METTL14: variants seen among roughly 807,000 people sequenced by gnomAD.
METTL14 encodes N(6)-adenosine-methyltransferase non-catalytic subunit METTL14.
In METTL14, 32 loss-of-function variants were observed where a neutral mutation model predicts 62.4. The ratio of observed to expected loss-of-function variants is 0.51; its 90% confidence interval spans 0.39 to 0.69. METTL14 has a LOEUF of 0.69. METTL14 is among the 30% of genes least tolerant of loss of function. The probability of loss-of-function intolerance (pLI) is 0.00; values close to 1 mark genes in which losing one functional copy is unlikely to be tolerated. For synonymous variants in METTL14, 150 were observed against 180.0 expected, an observed-to-expected ratio of 0.83 and a Z score of 1.34; for missense variants, 340 against 551.9, an observed-to-expected ratio of 0.62 and a Z score of 3.85.
chr4:118,687,374 C>G (rs1262699492), intron 1 of METTL14, among the ~76,000 whole-genome samples: 1 of 152,082 alleles, frequency 6.6e-6, no homozygotes, highest in Non-Finnish European at 1.5e-5. Flanking sequence ...ATTTGGAATG[C>G]TCATTTTATA....
rs1724353091 is a variant in METTL14, at chr4:118,694,673, T to G, written c.503+147T>G. ...CTGTTTCTTCTCTCTGCCTTTTTGT[T>G]TTTTAAAGGCTGGTGCTCATTATGT... On this transcript the variant is annotated intron_variant, in intron 6 of 10. Transcript: ENST00000388822. The G allele has an allele frequency of 3.7e-5, 24 of 656,552 alleles. No homozygotes were observed. In the South Asian group the frequency reaches 4.8e-4, roughly 13 times the overall value. The allele number at this position is 656,552 out of a possible 1,614,324, so 40.7% of individuals were successfully genotyped here. A position where few individuals can be genotyped will look rare whatever the true frequency, so the allele number is the denominator to read the frequency against.
intron 10 of METTL14, among the ~76,000 whole-genome samples, chr4:118,708,397 C>T (rs1046473112): frequency 1.3e-5 from 2 of 151,712 alleles, no homozygotes; most frequent in African/African-American, 4.8e-5. Flanking sequence ...TCCATAATAC[C>T]ACAAACATGC....
chr4:118,686,736 T>G (rs1437109225), intron 1 of METTL14: 4 of 439,934 alleles, frequency 9.1e-6, no homozygotes, highest in Admixed American at 5.0e-5. Flanking sequence ...AGAAGACGTT[T>G]TACTCCTTAA....
At chr4:118,694,801 T>G (rs996040543) in intron 6 of METTL14, among the ~76,000 whole-genome samples, 6 of 152,098 alleles carry the variant, frequency 3.9e-5, no homozygotes, top group Non-Finnish European at 7.4e-5. Flanking sequence ...TCTTTCTTTC[T>G]TTTTTTGTTT....
At chr4:118,693,948 ATGT>A (rs1560878830) in intron 5 of METTL14, among the ~76,000 whole-genome samples, 2 of 152,096 alleles carry the variant, frequency 1.3e-5, no homozygotes, top group East Asian at 3.8e-4. Flanking sequence ...CATATAATTT[ATGT>A]TGTTATAAAT....
At chr4:118,703,012 C>T (rs868173375) in intron 8 of METTL14, among the ~76,000 whole-genome samples, 5 of 149,788 alleles carry the variant, frequency 3.3e-5, no homozygotes, top group Admixed American at 3.3e-4. Flanking sequence ...GCAGAACGTG[C>T]AGGTTTGTTA....
intron 2 of METTL14, among the ~76,000 whole-genome samples, chr4:118,689,103 AAAT>A (rs1724165050): frequency 6.6e-6 from 1 of 152,220 alleles, no homozygotes; most frequent in Non-Finnish European, 1.5e-5. Context: ...AAACAGATTA[AAAT>A]AATACATACT....
intron 1 of METTL14, among the ~76,000 whole-genome samples, chr4:118,687,193 T>G (rs886470982): frequency 6.6e-6 from 1 of 152,258 alleles, no homozygotes; most frequent in Non-Finnish European, 1.5e-5. Flanking sequence ...AGAAGTGTTT[T>G]GGATTTCAGA....
In METTL14 at chr4:118,692,007, T is replaced by C. The variant is rs140960694; in HGVS notation, c.351T>C (p.Asn117=). 1.1e-5 allele frequency: 17 copies of C among 1,611,752 alleles called. No homozygotes were observed. In the African/African-American group the frequency reaches 2.3e-4, roughly 22 times the overall value. ...LKGTQSLNPH[N]DYCQHFVDTG... Reference sequence around the variant, plus strand: ...GAACACAGAGCTTAAATCCCCATAATGATTACTGCCAACATTTTGTAGACA... The same window carrying C: ...GAACACAGAGCTTAAATCCCCATAACGATTACTGCCAACATTTTGTAGACA... The change falls in exon 5 of 11, where the codon AAT becomes AAC. Residue 117 remains asparagine (N), a synonymous_variant. Transcript: ENST00000388822.
Position 118,711,441 on chromosome 4 carries a change from AC to A in METTL14, c.*1140del, listed in dbSNP as rs1462300439. The stretch of plus-strand genomic sequence containing the variant: ...TATGATTTTTCTAATGAAACTTTAA[AC>A]TTTTGAGATTTGAGAGTCTGTTTTC... On this transcript the variant is annotated 3_prime_UTR_variant, in exon 11 of 11. Transcript: ENST00000388822. 1 of 152,144 alleles carries A rather than the reference AC, an allele frequency of 6.6e-6. No homozygotes were observed. Among genetic ancestry groups the A allele is most frequent in the Non-Finnish European group, 1.5e-5 (1 of 68,020 alleles). The allele number at this position is 152,144 out of a possible 1,614,324, so 9.4% of individuals were successfully genotyped here. A position where few individuals can be genotyped will look rare whatever the true frequency, so the allele number is the denominator to read the frequency against.
intron 6 of METTL14, among the ~76,000 whole-genome samples, chr4:118,695,942 T>C (rs1724395657): frequency 6.6e-6 from 1 of 151,648 alleles, no homozygotes; most frequent in African/African-American, 2.4e-5. Flanking sequence ...AAACCTTGTC[T>C]CTATTAAAAA....
intron 8 of METTL14, 56 bp downstream of exon 8, chr4:118,700,698 AG>A: frequency 1.7e-5 from 22 of 1,260,564 alleles, no homozygotes; most frequent in Non-Finnish European, 2.4e-5. Flanking sequence ...AAAATGTAAC[AG>A]TATGTTGCAT....
chr4:118,705,868 A>G lies in METTL14; in HGVS notation c.1066+47A>G, dbSNP rs187047161. The G allele has an allele frequency of 1.8e-4, 247 of 1,381,984 alleles. No homozygotes were observed. The Middle Eastern group carries it at 2.2e-3, about 12-fold the overall frequency. 85.6% of individuals were successfully genotyped at this position (1,381,984 alleles called of 1,614,324 possible). On this transcript the variant is annotated intron_variant, in intron 10 of 10. Transcript: ENST00000388822. ...ACTTTTATGATTCTTTGGGTTATGC[A>G]TGTCAAGAAATAGGACATGGTGCTG...
At chr4:118,709,259 A>G (rs1254008236) in intron 10 of METTL14, among the ~76,000 whole-genome samples, 1 of 152,208 alleles carries the variant, frequency 6.6e-6, no homozygotes, top group African/African-American at 2.4e-5. Flanking sequence ...GTTATTGGAA[A>G]GTTCATTCAG....
chr4:118,704,014 A>C lies in METTL14; in HGVS notation c.818A>C (p.Lys273Thr), dbSNP rs1159717759. 3 of 1,594,428 alleles carry C rather than the reference A, an allele frequency of 1.9e-6. No homozygotes were observed. In the African/African-American group the frequency reaches 4.1e-5, roughly 22 times the overall value. Residue 273 changes from lysine (K) to threonine (T), a missense_variant, in exon 9 of 11, where the codon AAG becomes ACG. By Grantham distance (78) the Lys-to-Thr change is moderately conservative. This residue lies in a region of METTL14 where 58 missense variants were observed against 147.5 expected (regional missense o/e 0.39). Transcript: ENST00000388822. ...KTNKNNPGKT[K>T]TLDPKAVFQR... ...AATAAAAACAATCCTGGGAAGACTA[A>C]GACTTTAGATCCAAAGGCTGTCTTT...
At chr4:118,691,863 A>T in intron 4 of METTL14, 118 bp from the exon 5 acceptor site, 1 of 685,734 alleles carries the variant, frequency 1.5e-6, no homozygotes. Flanking sequence ...AATATTACTA[A>T]TTTTTAAATC....
chr4:118,709,988 TCCA>T lies in METTL14; in HGVS notation c.1067-9_1067-7del, dbSNP rs1477346154. 1 of 1,574,052 alleles carries T rather than the reference TCCA, an allele frequency of 6.4e-7. No individual in the cohort carries two copies. Among genetic ancestry groups the T allele is most frequent in the Admixed American group, 2.0e-5 (1 of 50,448 alleles). ...AATAAAAAGTATAATCTTTTTTTCC[TCCA>T]TTTCAGGCTGGCTCACAGTTGGACC... is the stretch of plus-strand genomic sequence containing the variant. On this transcript the variant is annotated splice_region_variant and splice_polypyrimidine_tract_variant and intron_variant, in intron 10 of 10. Transcript: ENST00000388822.
intron 3 of METTL14, among the ~76,000 whole-genome samples, chr4:118,690,667 G>A (rs1341335867): frequency 6.8e-6 from 1 of 146,078 alleles, no homozygotes; most frequent in Non-Finnish European, 1.5e-5. Flanking sequence ...GCAACAGAGT[G>A]ACTCTGTCTC....
At chr4:118,705,564 A>G in intron 9 of METTL14, 47 bp from the exon 10 acceptor site, 7 of 1,453,350 alleles carry the variant, frequency 4.8e-6, no homozygotes, top group Non-Finnish European at 6.7e-6. Flanking sequence ...AGGTTTTGGA[A>G]TGACTGTTGA....
Sources: allele counts gnomAD v4.1 joint callset (sites outside exome capture counted in the v4.1 genomes callset), GRCh38; gene constraint gnomAD v4.1.1; regional missense constraint gnomAD v4.1.1; transcripts MANE v1.5; gene names NCBI Gene and HGNC (gene_info 2026-07-23, HGNC 2026-07-21).